Variants in FRAS1 observed in about 807,000 individuals in gnomAD.
The protein encoded by FRAS1 is extracellular matrix organizing protein FRAS1.
A neutral mutation model predicts 435.2 loss-of-function variants in FRAS1; 290 were observed. The ratio of observed to expected loss-of-function variants is 0.67; its 90% confidence interval spans 0.61 to 0.73. The LOEUF is 0.73. FRAS1 is among the 30% of genes least tolerant of loss of function. The pLI, the probability that FRAS1 is intolerant of heterozygous loss-of-function variation, is 0.00. For synonymous variants in FRAS1, 1,800 were observed against 1,851.0 expected (o/e 0.97, Z 0.71); for missense variants, 4,860 against 5,001.5 (o/e 0.97, Z 0.85).
chr4:78,371,264 A>G (rs1256773142), intron 23 of FRAS1, among the ~76,000 whole-genome samples: 1 of 152,116 alleles, frequency 6.6e-6, no homozygotes, highest in Non-Finnish European at 1.5e-5. Context: ...AATAGGATTA[A>G]CTTTGTAAAT....
intron 20 of FRAS1, among the ~76,000 whole-genome samples, chr4:78,359,483 T>C (rs945537100): frequency 1.3e-5 from 2 of 152,154 alleles, no homozygotes; most frequent in Non-Finnish European, 2.9e-5. Context: ...TTTGGCTTGA[T>C]TTAATAAAAA....
At chr4:78,258,856 C>T (rs1421324781) in intron 6 of FRAS1, among the ~76,000 whole-genome samples, 5 of 89,614 alleles carry the variant, frequency 5.6e-5, no homozygotes, top group Non-Finnish European at 8.6e-5. Flanking sequence ...TCCCTCCCCC[C>T]TCCCCCCACC....
chr4:78,060,480 G>A (rs1364498699), intron 1 of FRAS1, among the ~76,000 whole-genome samples: 2 of 152,182 alleles, frequency 1.3e-5, no homozygotes, highest in Non-Finnish European at 2.9e-5. Flanking sequence ...TGGTTGGTAT[G>A]GGTTTGGTCT....
intron 14 of FRAS1, among the ~76,000 whole-genome samples, chr4:78,305,474 C>T (rs1287715475): frequency 2.0e-5 from 3 of 149,622 alleles, no homozygotes; most frequent in Admixed American, 1.3e-4. Flanking sequence ...TTAAAGTCTC[C>T]CATTATTATT....
intron 32 of FRAS1, among the ~76,000 whole-genome samples, chr4:78,415,832 A>G (rs994514039): frequency 6.6e-6 from 1 of 152,170 alleles, no homozygotes; most frequent in Non-Finnish European, 1.5e-5. Flanking sequence ...ACATTTAGGA[A>G]GATCATTCTG....
At chr4:78,368,062 T>G (rs1731345466) in intron 22 of FRAS1, among the ~76,000 whole-genome samples, 1 of 152,110 alleles carries the variant, frequency 6.6e-6, no homozygotes, top group Admixed American at 6.6e-5. Context: ...TCTCACTTCA[T>G]TTTTGTATTC....
chr4:78,127,989 G>A (rs1189675549), intron 2 of FRAS1, among the ~76,000 whole-genome samples: 1 of 148,170 alleles, frequency 6.7e-6, no homozygotes, highest in East Asian at 2.0e-4. Context: ...ACCTATGAGT[G>A]AGAACATGAG....
chr4:78,397,846 A>G (rs952513137), intron 29 of FRAS1, among the ~76,000 whole-genome samples: 2 of 152,184 alleles, frequency 1.3e-5, no homozygotes, highest in Non-Finnish European at 2.9e-5. Context: ...TTTCCTCTGT[A>G]GGAGAAATTA....
rs202231425 is a variant in FRAS1 at position 78,267,257 on chromosome 4, G to A, written c.806G>A (p.Arg269Gln). The change falls in exon 9 of 74, where the codon CGG (arginine) becomes CAG (glutamine). Residue 269 changes from arginine to glutamine, a missense_variant. By Grantham distance (43) the Arg-to-Gln change is conservative. Coordinates refer to ENST00000512123, the MANE Select transcript of FRAS1 (RefSeq NM_025074.7). ...GTGTCCTAGGGTCAGAGCAGGGCTC[G>A]GCGTCATGGGCAATGCTGTGAGGAA... ...LRCGKGQSRARRHGQCCEECV... is the reference protein window; with the variant it reads ...LRCGKGQSRAQRHGQCCEECV... 957 of 1,613,622 alleles carry A rather than the reference G, an allele frequency of 5.9e-4. 2 individuals carry two copies. The African/African-American group carries it at 9.9e-3, about 17-fold the overall frequency.
chr4:78,408,305 G>T (rs1733184670), intron 31 of FRAS1, among the ~76,000 whole-genome samples: 1 of 152,084 alleles, frequency 6.6e-6, no homozygotes, highest in Non-Finnish European at 1.5e-5. Flanking sequence ...CACTGATATG[G>T]ATTCCATATC....
At chr4:78,117,015 G>C (rs575125704) in intron 2 of FRAS1, among the ~76,000 whole-genome samples, 41 of 152,236 alleles carry the variant, frequency 2.7e-4, no homozygotes, top group African/African-American at 9.6e-4. Flanking sequence ...AGTTCTTTTA[G>C]GGCAGGCCTG....
intron 2 of FRAS1, among the ~76,000 whole-genome samples, chr4:78,135,048 A>G (rs184631114): frequency 1.3e-4 from 20 of 152,292 alleles, no homozygotes; most frequent in Admixed American, 6.5e-5. Context: ...TTGTTATATC[A>G]TCAGCAATGT....
intron 58 of FRAS1, among the ~76,000 whole-genome samples, chr4:78,485,098 T>C (rs769665428): frequency 7.9e-5 from 12 of 152,258 alleles, no homozygotes; most frequent in Non-Finnish European, 1.5e-4. Context: ...CACCACTTCC[T>C]AGGTCTTTGG....
At chr4:78,460,710 G>A (rs1719345060) in intron 47 of FRAS1, among the ~76,000 whole-genome samples, 1 of 152,154 alleles carries the variant, frequency 6.6e-6, no homozygotes. Flanking sequence ...ACAAACCTGT[G>A]CAACATGTTA....
intron 2 of FRAS1, among the ~76,000 whole-genome samples, chr4:78,217,142 T>A (rs1454634715): frequency 1.3e-5 from 2 of 152,164 alleles, no homozygotes; most frequent in Non-Finnish European, 1.5e-5. Flanking sequence ...AGAAGCTGGA[T>A]GTCCCAGCTG....
At chr4:78,166,839 C>T (rs1721351268) in intron 2 of FRAS1, among the ~76,000 whole-genome samples, 1 of 152,138 alleles carries the variant, frequency 6.6e-6, no homozygotes, top group South Asian at 2.1e-4. Context: ...TCCAGTAAAC[C>T]CCTAGTACAT....
intron 2 of FRAS1, among the ~76,000 whole-genome samples, chr4:78,140,629 G>A (rs992758323): frequency 2.6e-5 from 4 of 151,252 alleles, no homozygotes; most frequent in South Asian, 2.1e-4. Context: ...ATGTGTATAC[G>A]CATATACATA....
rs1720933268 is a variant in FRAS1, at chr4:78,508,845, C to G, written c.9619C>G (p.Pro3207Ala). Residue 3207 changes from proline to alanine, a missense_variant, in exon 63 of 74, where the codon CCC (proline) becomes GCC (alanine). By Grantham distance (27) the Pro-to-Ala change is conservative. Transcript: ENST00000512123. ...TGTCACCCCCTGCGACCCTCATTTCCCCAGATACGCTGTCATGAAGGAGCG... is the reference window on the plus strand; with the variant it reads ...TGTCACCCCCTGCGACCCTCATTTCGCCAGATACGCTGTCATGAAGGAGCG... ...VCVTPCDPHFPRYAVMKERCS... is the reference protein window; with the variant it reads ...VCVTPCDPHFARYAVMKERCS... 1.2e-6 allele frequency: 2 copies of G among 1,613,814 alleles called. No individual in the cohort carries two copies. Among genetic ancestry groups the G allele is most frequent in the African/African-American group, 2.7e-5 (2 of 75,042 alleles).
chr4:78,385,846 C>G (rs1279184008), intron 28 of FRAS1, among the ~76,000 whole-genome samples: 1 of 150,172 alleles, frequency 6.7e-6, no homozygotes, highest in Non-Finnish European at 1.5e-5. Flanking sequence ...GATCGTGCCA[C>G]TGCACTCCAG....
Sources: gnomAD v4.1 joint callset for allele counts (sites outside exome capture counted in the v4.1 genomes callset) on GRCh38, gnomAD v4.1.1 for gene constraint, MANE v1.5 for transcripts, NCBI Gene and HGNC (gene_info 2026-07-23, HGNC 2026-07-21) for gene names.